The following GAPVD1 variants were observed in gnomAD, a reference collection of about 807,000 sequenced individuals.
GAPVD1 encodes GTPase-activating protein and VPS9 domain-containing protein 1.
A neutral mutation model predicts 155.5 loss-of-function variants in GAPVD1; 35 were observed. The observed-to-expected ratio is 0.23, with a 90% CI of 0.17 to 0.30. The LOEUF (loss-of-function observed/expected upper bound fraction) is 0.30, where lower values mean the gene tolerates loss of function less well. Ranked by LOEUF, GAPVD1 falls within the 10% of genes least tolerant of loss-of-function variation. GAPVD1 has a pLI of 1.00. For synonymous variants in GAPVD1, 636 were observed against 619.7 expected (o/e 1.03, Z -0.39); for missense variants, 1,429 against 1,775.7 (o/e 0.80, Z 3.51).
At chr9:125,340,116 G>A (rs1384690561) in intron 17 of GAPVD1, among the ~76,000 whole-genome samples, 1 of 152,150 alleles carries the variant, frequency 6.6e-6, no homozygotes, top group African/African-American at 2.4e-5. Context: ...CACCTCCCGG[G>A]TTCAAGTGAT....
chr9:125,353,518 C>G (rs929551121), intron 23 of GAPVD1, among the ~76,000 whole-genome samples: 3 of 152,182 alleles, frequency 2.0e-5, no homozygotes, highest in South Asian at 4.1e-4. Flanking sequence ...CAGTACCCCA[C>G]TCTCGGTACC....
At chr9:125,351,937 C>T (rs1849348128) in intron 23 of GAPVD1, among the ~76,000 whole-genome samples, 1 of 152,158 alleles carries the variant, frequency 6.6e-6, no homozygotes, top group African/African-American at 2.4e-5. Flanking sequence ...GATGGGATGT[C>T]ACCATATTAG....
At chr9:125,288,572 T>A (rs1838097328) in intron 2 of GAPVD1, among the ~76,000 whole-genome samples, 3 of 152,136 alleles carry the variant, frequency 2.0e-5, no homozygotes, top group Non-Finnish European at 4.4e-5. Flanking sequence ...GACAGAGGTC[T>A]CACTATGTTC....
In GAPVD1 at chr9:125,366,135, G is replaced by T. The variant is rs1167577089; in HGVS notation, c.*3389G>T. 2.0e-5 allele frequency: 3 copies of T among 152,164 alleles called. No individual in the cohort carries two copies. The highest frequency in any genetic ancestry group is 6.5e-5 in the Admixed American group (1 of 15,276). The allele number at this position is 152,164 out of a possible 1,614,324, so 9.4% of individuals were successfully genotyped here. On this transcript the variant is annotated 3_prime_UTR_variant, in exon 28 of 28. Coordinates refer to ENST00000297933, the MANE Select transcript of GAPVD1 (RefSeq NM_001282680.3). ...TTTTCTAAGGGATTGCAAATGTGCT[G>T]CATGGTTTTTCTATTCCTATGTCCT...
At chr9:125,356,633 C>T (rs1850119617) in intron 25 of GAPVD1, among the ~76,000 whole-genome samples, 1 of 152,060 alleles carries the variant, frequency 6.6e-6, no homozygotes. Context: ...TCCCAAATTG[C>T]TGGTACTATA....
At chr9:125,306,169 A>C (rs1339671949) in intron 6 of GAPVD1, among the ~76,000 whole-genome samples, 2 of 151,116 alleles carry the variant, frequency 1.3e-5, no homozygotes. Context: ...TTTGAGACAG[A>C]GTTTCCTTCT....
At chr9:125,315,922 C>G (rs1843347600) in intron 9 of GAPVD1, among the ~76,000 whole-genome samples, 1 of 152,142 alleles carries the variant, frequency 6.6e-6, no homozygotes, top group Non-Finnish European at 1.5e-5. Context: ...GGCTAAGGTA[C>G]AGTTGCAAAC....
chr9:125,318,024 A>G (rs1374361418), intron 9 of GAPVD1, among the ~76,000 whole-genome samples: 3 of 152,184 alleles, frequency 2.0e-5, no homozygotes, highest in African/African-American at 7.2e-5. Flanking sequence ...ATAGTCATTA[A>G]GAAGATACAC....
chr9:125,333,400 C>T (rs959373911), intron 15 of GAPVD1, among the ~76,000 whole-genome samples: 2 of 151,380 alleles, frequency 1.3e-5, no homozygotes, highest in East Asian at 3.9e-4. Context: ...TTTTTAAAAA[C>T]CTATGCAAGA....
chr9:125,293,670 TATAA>T (rs1564309044), intron 2 of GAPVD1, among the ~76,000 whole-genome samples: 102 of 125,114 alleles, frequency 8.2e-4, no homozygotes, highest in African/African-American at 3.0e-3. Flanking sequence ...ATATATATAA[TATAA>T]AAATATATAT....
intron 19 of GAPVD1, chr9:125,346,297 C>A: frequency 5.4e-6 from 1 of 186,628 alleles, no homozygotes; most frequent in Non-Finnish European, 1.1e-5. Flanking sequence ...ATGGTGAGAT[C>A]TAGTGAGATA....
Position 125,314,932 on chromosome 9 carries a change from C to T in GAPVD1, c.1602+2320C>T, listed in dbSNP as rs181672314. Among the ~76,000 whole-genome samples, 293 of 151,784 alleles carry T rather than the reference C, an allele frequency of 1.9e-3. 1 individual carries two copies. The highest frequency in any genetic ancestry group is 1.1e-3 in the Non-Finnish European group (74 of 67,920). On this transcript the variant is annotated intron_variant, in intron 9 of 27. Transcript: ENST00000297933. ...CCTCCCTAGCAGCTGGGACTACAGGCGCCCGCCACCACGCCCGGCTATTTT... is the reference window on the plus strand; with the variant it reads ...CCTCCCTAGCAGCTGGGACTACAGGTGCCCGCCACCACGCCCGGCTATTTT...
At chr9:125,298,564 C>T (rs939566757) in intron 3 of GAPVD1, among the ~76,000 whole-genome samples, 1 of 138,362 alleles carries the variant, frequency 7.2e-6, no homozygotes, top group African/African-American at 2.8e-5. Flanking sequence ...TCTCAGCTCA[C>T]TGCAACCTCT....
At chr9:125,264,468 T>A (rs1214275061) in intron 1 of GAPVD1, among the ~76,000 whole-genome samples, 1 of 152,128 alleles carries the variant, frequency 6.6e-6, no homozygotes, top group Non-Finnish European at 1.5e-5. Context: ...GTGCTGGGAT[T>A]ACTGATGTGA....
At chr9:125,290,570 G>T (rs1838418558) in intron 2 of GAPVD1, among the ~76,000 whole-genome samples, 1 of 152,204 alleles carries the variant, frequency 6.6e-6, no homozygotes. Flanking sequence ...ATAAGGATAA[G>T]GGAAGAGGTG....
chr9:125,262,773 GATAAA>G (rs1833144691), intron 1 of GAPVD1, among the ~76,000 whole-genome samples: 1 of 152,136 alleles, frequency 6.6e-6, no homozygotes, highest in East Asian at 1.9e-4. Context: ...CTAGAAGGAG[GATAAA>G]ATGACATCAT....
intron 2 of GAPVD1, among the ~76,000 whole-genome samples, chr9:125,286,611 G>A (rs964995450): frequency 6.6e-6 from 1 of 152,106 alleles, no homozygotes; most frequent in African/African-American, 2.4e-5. Context: ...TATTCATAGA[G>A]CAACTGGTGA....
Position 125,305,169 on chromosome 9 carries a change from A to T in GAPVD1, c.1116+20A>T. On this transcript the variant is annotated intron_variant, in intron 6 of 27. Coordinates refer to ENST00000297933, the MANE Select transcript of GAPVD1 (RefSeq NM_001282680.3). ...GACAAAGTAAGAATAAATATGATTT[A>T]TAGAAAATTCTGAAGTATTAGTGAG... 6.5e-7 allele frequency: 1 copy of T among 1,540,392 alleles called. No individual in the cohort carries two copies. The highest frequency in any genetic ancestry group is 9.0e-7 in the Non-Finnish European group (1 of 1,113,718).
chr9:125,317,377 G>A (rs891471988), intron 9 of GAPVD1, among the ~76,000 whole-genome samples: 37 of 151,428 alleles, frequency 2.4e-4, no homozygotes, highest in African/African-American at 8.5e-4. Context: ...TGTAATCCCA[G>A]CACTCTGGGA....
Sources: allele counts gnomAD v4.1 joint callset (sites outside exome capture counted in the v4.1 genomes callset), GRCh38; gene constraint gnomAD v4.1.1; transcripts MANE v1.5; gene names NCBI Gene and HGNC (gene_info 2026-07-23, HGNC 2026-07-21).